Variants in PHTF2 observed in about 807,000 individuals in gnomAD.
PHTF2 encodes putative homeodomain transcription factor 2.
A neutral mutation model predicts 101.2 loss-of-function variants in PHTF2; 60 were observed. That is an observed-to-expected ratio of 0.59 (90% CI 0.48 to 0.73). PHTF2 has a LOEUF of 0.73. PHTF2 is among the 30% of genes least tolerant of loss of function. The pLI is 0.00. For synonymous variants in PHTF2, 311 were observed against 307.3 expected, an observed-to-expected ratio of 1.01 and a Z score of -0.13; for missense variants, 747 against 908.7, an observed-to-expected ratio of 0.82 and a Z score of 2.29.
intron 12 of PHTF2, among the ~76,000 whole-genome samples, chr7:77,935,024 T>A (rs1267546740): frequency 6.6e-6 from 1 of 151,814 alleles, no homozygotes; most frequent in Non-Finnish European, 1.5e-5. Flanking sequence ...AATTATTTGC[T>A]CTGATGTTTT....
exon 20 of PHTF2, chr7:77,956,557 C>G (rs1034454583): frequency 6.6e-6 from 1 of 152,556 alleles, no homozygotes; most frequent in African/African-American, 2.4e-5. Context: ...GCTTTAAGAA[C>G]ATACTTAGTT....
At chr7:77,802,247 G>C (rs1021179532) in intron 1 of PHTF2, among the ~76,000 whole-genome samples, 2 of 152,140 alleles carry the variant, frequency 1.3e-5, no homozygotes, top group African/African-American at 4.8e-5. Flanking sequence ...ATGTAAATGT[G>C]GTTGGGCAAA....
At chr7:77,798,936 C>T (rs1410037899) in exon 1 of PHTF2, 4 of 152,714 alleles carry the variant, frequency 2.6e-5, no homozygotes, top group African/African-American at 7.2e-5. Context: ...GCGCGCACCT[C>T]AGCCGCCTCC....
chr7:77,848,406 T>G (rs967660957), intron 2 of PHTF2, among the ~76,000 whole-genome samples: 3 of 152,212 alleles, frequency 2.0e-5, no homozygotes, highest in Non-Finnish European at 4.4e-5. Flanking sequence ...CCATTTTGAC[T>G]GAGGTAAGAT....
At chr7:77,897,795 C>T (rs951636638) in intron 5 of PHTF2, among the ~76,000 whole-genome samples, 5 of 152,142 alleles carry the variant, frequency 3.3e-5, no homozygotes, top group African/African-American at 1.2e-4. Flanking sequence ...ATTCTCCTGC[C>T]TCAGCCTCCC....
chr7:77,880,581 G>A (rs980440269), intron 3 of PHTF2, among the ~76,000 whole-genome samples: 5 of 151,876 alleles, frequency 3.3e-5, no homozygotes, highest in South Asian at 2.1e-4. Context: ...CATCCTTCTC[G>A]CCCTGCTCAG....
chr7:77,866,640 G>T (rs1473888678), intron 3 of PHTF2, among the ~76,000 whole-genome samples: 3 of 152,108 alleles, frequency 2.0e-5, no homozygotes, highest in African/African-American at 7.2e-5. Flanking sequence ...GGTCTGTACA[G>T]CATAAGATTG....
intron 7 of PHTF2, among the ~76,000 whole-genome samples, chr7:77,905,327 A>G (rs2471586): frequency 0.054 from 8,194 of 150,450 alleles, 707 homozygotes; most frequent in African/African-American, 0.19. Flanking sequence ...CCGGGCACAA[A>G]CAATCCTCCA....
intron 5 of PHTF2, chr7:77,895,105 C>T (rs1208046663): frequency 4.4e-6 from 2 of 451,028 alleles, no homozygotes; most frequent in Non-Finnish European, 8.9e-6. Context: ...GGAAGAAGAG[C>T]ACATTTAGAA....
chr7:77,894,051 A>G, intron 5 of PHTF2, 58 bp downstream of exon 4: 3 of 1,271,906 alleles, frequency 2.4e-6, no homozygotes, highest in Non-Finnish European at 1.2e-6. Context: ...TGGTCTGCTT[A>G]ATTGAGATCT....
Position 77,828,464 on chromosome 7 carries a change from G to A in PHTF2, c.-35-11757G>A, listed in dbSNP as rs141645353. 7.2e-5 allele frequency among the ~76,000 whole-genome samples: 11 copies of A among 152,192 alleles called. No individual in the cohort carries two copies. In the East Asian group the frequency reaches 2.1e-3, roughly 29 times the overall value. On this transcript the variant is annotated intron_variant, in intron 1 of 19. Transcript: ENST00000416283. Reference sequence around the variant, plus strand: ...TTGCTTTAAAAGACATATCAGGTGGGTTGATTGTGCCCATCAGGAAATTCT... The same window carrying A: ...TTGCTTTAAAAGACATATCAGGTGGATTGATTGTGCCCATCAGGAAATTCT...
chr7:77,865,178 G>A (rs1173600767), intron 3 of PHTF2, among the ~76,000 whole-genome samples: 1 of 151,746 alleles, frequency 6.6e-6, no homozygotes, highest in Non-Finnish European at 1.5e-5. Context: ...TTCCATATAA[G>A]CTAAATTCAT....
rs1427214317 is a variant in PHTF2 at position 77,811,903 on chromosome 7, T to C, written c.-36+12932T>C. Among the ~76,000 whole-genome samples the C allele has an allele frequency of 3.3e-5, 5 of 152,212 alleles. No individual in the cohort carries two copies. In the East Asian group the frequency reaches 9.6e-4, roughly 29 times the overall value. Reference sequence around the variant, plus strand: ...TGAGTATATATGTGGTGGGTGTGTGTAATACAGCTTTATTTTCAGAAAGAA... The same window carrying C: ...TGAGTATATATGTGGTGGGTGTGTGCAATACAGCTTTATTTTCAGAAAGAA... On this transcript the variant is annotated intron_variant, in intron 1 of 19. Coordinates refer to ENST00000416283, the Ensembl canonical transcript of PHTF2.
intron 7 of PHTF2, among the ~76,000 whole-genome samples, chr7:77,905,864 T>C (rs561008282): frequency 6.6e-6 from 1 of 152,188 alleles, no homozygotes; most frequent in Non-Finnish European, 1.5e-5. Context: ...CCCAACAACA[T>C]TCTGTCTTAG....
intron 3 of PHTF2, among the ~76,000 whole-genome samples, chr7:77,860,417 A>G (rs1797543491): frequency 6.6e-6 from 1 of 152,218 alleles, no homozygotes; most frequent in Admixed American, 6.5e-5. Context: ...GTGATTATGT[A>G]CTAGAGGACA....
intron 3 of PHTF2, among the ~76,000 whole-genome samples, chr7:77,887,420 G>A (rs1248456960): frequency 6.8e-6 from 1 of 146,982 alleles, no homozygotes; most frequent in Non-Finnish European, 1.5e-5. Flanking sequence ...CATAATTATT[G>A]TTGTTGTTTT....
intron 17 of PHTF2, 83 bp from the exon 17 acceptor site, chr7:77,951,532 CCA>C: frequency 1.7e-6 from 1 of 604,092 alleles, no homozygotes; most frequent in Non-Finnish European, 2.9e-6. Context: ...ATCTCAATAA[CCA>C]GATACTTGAG....
intron 19 of PHTF2, among the ~76,000 whole-genome samples, chr7:77,954,641 T>TAG (rs1806869466): frequency 7.0e-6 from 1 of 142,098 alleles, no homozygotes; most frequent in Non-Finnish European, 1.6e-5. Flanking sequence ...TATATATATA[T>TAG]ATATAGCCAC....
intron 9 of PHTF2, among the ~76,000 whole-genome samples, chr7:77,919,485 CTT>C (rs145650452): frequency 0.012 from 1,852 of 152,160 alleles, 16 homozygotes; most frequent in Middle Eastern, 0.031. Context: ...GTGGGACTAA[CTT>C]TATATTTCTA....
Sources: gnomAD v4.1 joint callset for allele counts (sites outside exome capture counted in the v4.1 genomes callset) on GRCh38, gnomAD v4.1.1 for gene constraint, MANE v1.5 for transcripts, NCBI Gene and HGNC (gene_info 2026-07-23, HGNC 2026-07-21) for gene names.